GUCY1A2: variants seen among roughly 807,000 people sequenced by gnomAD.
The protein encoded by GUCY1A2 is guanylate cyclase soluble subunit alpha-2.
GUCY1A2 carries 27 observed loss-of-function variants against 63.5 expected under a neutral mutation model. That is an observed-to-expected ratio of 0.43 (90% CI 0.31 to 0.59). The LOEUF (loss-of-function observed/expected upper bound fraction) is 0.59, where lower values mean the gene tolerates loss of function less well. Ranked by LOEUF, GUCY1A2 falls within the 20% of genes least tolerant of loss-of-function variation. The pLI, the probability that GUCY1A2 is intolerant of heterozygous loss-of-function variation, is 0.11. For synonymous variants in GUCY1A2, 364 were observed against 343.5 expected (o/e 1.06, Z -0.66); for missense variants, 768 against 913.3 (o/e 0.84, Z 2.05).
intron 4 of GUCY1A2, among the ~76,000 whole-genome samples, chr11:106,880,885 T>C (rs771309077): frequency 6.6e-6 from 1 of 152,130 alleles, no homozygotes; most frequent in African/African-American, 2.4e-5. Flanking sequence ...ATTTTGGAAA[T>C]GACAATTTGG....
chr11:106,897,983 A>G (rs1860074938), intron 4 of GUCY1A2, among the ~76,000 whole-genome samples: 1 of 152,190 alleles, frequency 6.6e-6, no homozygotes, highest in Admixed American at 6.5e-5. Context: ...ATAGACAAAT[A>G]ACCCTTAAAA....
chr11:106,790,691 C>T (rs1864642729), intron 5 of GUCY1A2, among the ~76,000 whole-genome samples: 1 of 152,118 alleles, frequency 6.6e-6, no homozygotes, highest in African/African-American at 2.4e-5. Context: ...CCCAAGGGCT[C>T]TTTAGGTGAT....
intron 1 of GUCY1A2, among the ~76,000 whole-genome samples, chr11:107,011,150 T>TG (rs1861738237): frequency 6.6e-6 from 1 of 152,236 alleles, no homozygotes; most frequent in African/African-American, 2.4e-5. Flanking sequence ...ACAAAGGGCC[T>TG]GTGAAGAAAG....
intron 4 of GUCY1A2, among the ~76,000 whole-genome samples, chr11:106,844,994 G>A (rs1022369109): frequency 1.5e-4 from 23 of 151,774 alleles, no homozygotes; most frequent in African/African-American, 5.1e-4. Flanking sequence ...CTTGCCATCA[G>A]TAGGTTAATC....
At chr11:106,999,421 G>C (rs939487524) in intron 1 of GUCY1A2, among the ~76,000 whole-genome samples, 1 of 152,088 alleles carries the variant, frequency 6.6e-6, no homozygotes, top group Non-Finnish European at 1.5e-5. Context: ...TAGTCACTCT[G>C]GAAGAGCAAA....
intron 6 of GUCY1A2, among the ~76,000 whole-genome samples, chr11:106,715,223 T>C (rs4409792): frequency 0.63 from 95,417 of 151,996 alleles, 30,985 homozygotes; most frequent in African/African-American, 0.79. Flanking sequence ...CCTCCTGCAA[T>C]TTTTAAAAGT....
At chr11:106,816,484 G>A (rs1277347721) in intron 4 of GUCY1A2, among the ~76,000 whole-genome samples, 1 of 151,642 alleles carries the variant, frequency 6.6e-6, no homozygotes, top group African/African-American at 2.4e-5. Context: ...AGTGAAGAGA[G>A]TGCTTATAAT....
intron 2 of GUCY1A2, among the ~76,000 whole-genome samples, chr11:106,979,221 C>A (rs1404395418): frequency 6.6e-6 from 1 of 151,982 alleles, no homozygotes; most frequent in Non-Finnish European, 1.5e-5. Flanking sequence ...TTTGGGAGGC[C>A]CAGGCGGGCA....
At chr11:106,980,182 G>A (rs907167008) in intron 2 of GUCY1A2, among the ~76,000 whole-genome samples, 2 of 152,152 alleles carry the variant, frequency 1.3e-5, no homozygotes, top group Non-Finnish European at 2.9e-5. Flanking sequence ...CGTTTGGCAG[G>A]GCAAATATGT....
intron 1 of GUCY1A2, among the ~76,000 whole-genome samples, chr11:106,990,101 C>T (rs909382935): frequency 1.3e-5 from 2 of 152,094 alleles, no homozygotes; most frequent in Non-Finnish European, 2.9e-5. Context: ...TTCTCTCCTT[C>T]CCCCAAACTA....
At chr11:106,776,763 C>T (rs1263099328) in intron 5 of GUCY1A2, among the ~76,000 whole-genome samples, 181 bp from the exon 6 acceptor site, 1 of 152,226 alleles carries the variant, frequency 6.6e-6, no homozygotes, top group African/African-American at 2.4e-5. Flanking sequence ...CAAATACTGA[C>T]ATCTCACTCC....
At chr11:106,713,786 G>T (rs1416102877) in intron 6 of GUCY1A2, among the ~76,000 whole-genome samples, 1 of 151,880 alleles carries the variant, frequency 6.6e-6, no homozygotes, top group Non-Finnish European at 1.5e-5. Flanking sequence ...GATTACAGGC[G>T]TGAGCCACCG....
At chr11:106,692,985 T>C (rs1367356222) in intron 7 of GUCY1A2, among the ~76,000 whole-genome samples, 9 of 152,284 alleles carry the variant, frequency 5.9e-5, no homozygotes, top group East Asian at 1.9e-4. Flanking sequence ...CTGTGTGAAA[T>C]TGGAAAATCT....
At chr11:106,883,105 T>C (rs894948314) in intron 4 of GUCY1A2, among the ~76,000 whole-genome samples, 1 of 152,040 alleles carries the variant, frequency 6.6e-6, no homozygotes, top group Non-Finnish European at 1.5e-5. Flanking sequence ...AGAAAGTGAA[T>C]TATTATTGAA....
intron 3 of GUCY1A2, among the ~76,000 whole-genome samples, chr11:106,973,603 T>C (rs1861224526): frequency 6.6e-6 from 1 of 151,894 alleles, no homozygotes; most frequent in African/African-American, 2.4e-5. Flanking sequence ...GTAATTAGCA[T>C]CAGAGGAGTG....
intron 4 of GUCY1A2, among the ~76,000 whole-genome samples, chr11:106,861,831 A>G (rs774867459): frequency 2.0e-5 from 3 of 151,978 alleles, no homozygotes; most frequent in South Asian, 4.1e-4. Flanking sequence ...TCCCTTAACA[A>G]CACTTATCAT....
chr11:106,765,505 A>G (rs1469556165), intron 6 of GUCY1A2, among the ~76,000 whole-genome samples: 1 of 152,108 alleles, frequency 6.6e-6, no homozygotes, highest in Non-Finnish European at 1.5e-5. Context: ...TACCTAACCA[A>G]TTGTTTAGAA....
intron 4 of GUCY1A2, among the ~76,000 whole-genome samples, chr11:106,908,881 G>T (rs1860251569): frequency 6.6e-6 from 1 of 151,998 alleles, no homozygotes; most frequent in Non-Finnish European, 1.5e-5. Flanking sequence ...ATAGGTCAAT[G>T]AAATATTTGG....
At chr11:106,851,145 G>T (rs1483741898) in intron 4 of GUCY1A2, among the ~76,000 whole-genome samples, 7 of 151,722 alleles carry the variant, frequency 4.6e-5, no homozygotes, top group African/African-American at 1.7e-4. Context: ...CTCCCTTTGA[G>T]AAATGTCTGT....
Sources: gnomAD v4.1 joint callset for allele counts (sites outside exome capture counted in the v4.1 genomes callset) on GRCh38, gnomAD v4.1.1 for gene constraint, MANE v1.5 for transcripts, NCBI Gene and HGNC (gene_info 2026-07-23, HGNC 2026-07-21) for gene names.